The following LAMA1 variants were observed in gnomAD, a reference collection of about 807,000 sequenced individuals.
LAMA1 encodes the protein laminin subunit alpha 1, also known as laminin subunit alpha-1.
In LAMA1, 219 loss-of-function variants were observed where a neutral mutation model predicts 348.7. The ratio of observed to expected loss-of-function variants is 0.63; its 90% confidence interval spans 0.56 to 0.70. The LOEUF (loss-of-function observed/expected upper bound fraction) is 0.70, where lower values mean the gene tolerates loss of function less well. Among genes scored for constraint, LAMA1 ranks in the 30% least tolerant of loss-of-function variants. LAMA1 has a pLI of 0.00. For missense variants in LAMA1, 3,744 were observed against 3,888.0 expected (o/e 0.96, Z 0.99); for synonymous variants, 1,487 against 1,491.0 (o/e 1.00, Z 0.06).
rs149313689 is a variant in LAMA1 at position 7,026,086 on chromosome 18, G to A, written c.2295C>T (p.Thr765=). The part of the protein sequence containing the change: ...GVCIACAHNT[T]GVHCEQCLPG... ...GCAAGCACTGCTCACAGTGGACGCCGGTGGTGTTGTGCGCACACGCCTAGG... is the reference window on the plus strand; with the variant it reads ...GCAAGCACTGCTCACAGTGGACGCCAGTGGTGTTGTGCGCACACGCCTAGG... The change falls in exon 17 of 63, where the codon ACC becomes ACT. Residue 765 remains threonine (T), a synonymous_variant. Transcript: ENST00000389658. The A allele has an allele frequency of 3.4e-5, 54 of 1,611,014 alleles. No homozygotes were observed. In the South Asian group the frequency reaches 3.8e-4, roughly 11 times the overall value.
At chr18:7,082,343 T>C (rs920428729) in intron 1 of LAMA1, among the ~76,000 whole-genome samples, 1 of 152,152 alleles carries the variant, frequency 6.6e-6, no homozygotes, top group Non-Finnish European at 1.5e-5. Context: ...TTTTATCATA[T>C]CCCTGTAAAG....
intron 16 of LAMA1, among the ~76,000 whole-genome samples, chr18:7,029,933 A>T (rs1017085331): frequency 6.6e-6 from 1 of 152,186 alleles, no homozygotes; most frequent in South Asian, 2.1e-4. Flanking sequence ...GCTATGAACA[A>T]CTACACAAAA....
Position 6,976,041 on chromosome 18 carries a change from C to G in LAMA1, c.6385G>C (p.Ala2129Pro). The G allele has an allele frequency of 6.2e-7, 1 of 1,614,098 alleles. No individual in the cohort carries two copies. ...AVSADRDCIR[A>P]YQPQISSTNY... ...GTAGAGGAAATCTGAGGCTGGTAGG[C>G]CCGGATGCAATCTCTGTCTGCAGAC... Residue 2129 changes from alanine to proline, a missense_variant, in exon 45 of 63, where the codon GCC (alanine) becomes CCC (proline). Transcript: ENST00000389658.
intron 23 of LAMA1, 21 bp from the exon 24 acceptor site, chr18:7,012,159 G>C: frequency 6.2e-7 from 1 of 1,613,316 alleles, no homozygotes; most frequent in Non-Finnish European, 8.5e-7. Flanking sequence ...GCAAATAAAG[G>C]ACTCGTTTTT....
intron 56 of LAMA1, 141 bp downstream of exon 56, chr18:6,956,495 G>T: frequency 1.4e-6 from 2 of 1,416,634 alleles, no homozygotes; most frequent in Non-Finnish European, 2.0e-6. Context: ...TCCCCGCTCT[G>T]ATTTTTAGCA....
chr18:7,098,401 G>A lies in LAMA1; in HGVS notation c.62-17944C>T, dbSNP rs562261916. 3.8e-3 allele frequency among the ~76,000 whole-genome samples: 581 copies of A among 151,554 alleles called. 5 individuals carry two copies. The highest frequency in any genetic ancestry group is 0.019 in the South Asian group (89 of 4,746). On this transcript the variant is annotated intron_variant, in intron 1 of 62. Transcript: ENST00000389658. ...CCGGCCGCCATCCCACCTAGGAAGTGAGGAGCACCTCTTCCCGGCCGCCAT... is the reference window on the plus strand; with the variant it reads ...CCGGCCGCCATCCCACCTAGGAAGTAAGGAGCACCTCTTCCCGGCCGCCAT...
At chr18:7,013,668 A>T in intron 23 of LAMA1, 147 bp downstream of exon 23, 1 of 743,038 alleles carries the variant, frequency 1.3e-6, no homozygotes, top group East Asian at 2.7e-5. Context: ...AGAGGAGCAT[A>T]AGAGACTTTG....
rs1302423917 is a variant in LAMA1 at position 7,042,147 on chromosome 18, T to C, written c.1259A>G (p.Asn420Ser). 1 of 1,592,614 alleles carries C rather than the reference T, an allele frequency of 6.3e-7. No homozygotes were observed. Among genetic ancestry groups the C allele is most frequent in the African/African-American group, 1.3e-5 (1 of 74,458 alleles). The change falls in exon 9 of 63, where the codon AAT (asparagine) becomes AGT (serine). Residue 420 changes from asparagine (N) to serine (S), a missense_variant and splice_region_variant. Coordinates refer to ENST00000389658, the MANE Select transcript of LAMA1 (RefSeq NM_005559.4). ...IKDDLHSDLH[N>S]GKQPGQCPCK... ...ACAAAAGTGAATCAAGTACTTACCA[T>C]TGTGTAAGTCAGAATGGAGGTCATC...
Position 6,964,750 on chromosome 18 carries a change from C to T in LAMA1, c.7249G>A (p.Gly2417Ser). 1.2e-6 allele frequency: 2 copies of T among 1,614,056 alleles called. No homozygotes were observed. The highest frequency in any genetic ancestry group is 2.2e-5 in the South Asian group (2 of 91,078). ...YNTSNKETKQ[G>S]ETPGASSDLN... ...TCAGAAGATGCTCCCGGAGTCTCGC[C>T]CTGCTTGGTTTCTTTATTACTGGTG... The change falls in exon 51 of 63, where the codon GGC (glycine) becomes AGC (serine). Residue 2417 changes from glycine (G) to serine (S), a missense_variant. This residue lies in a region of LAMA1 where 1,983 missense variants were observed against 1,934.3 expected (regional missense o/e 1.03). Transcript: ENST00000389658.
At chr18:6,965,832 A>T in intron 49 of LAMA1, 1 of 415,510 alleles carries the variant, frequency 2.4e-6, no homozygotes, top group Non-Finnish European at 4.4e-6. Context: ...GGTCACAGTG[A>T]ACCCAGAACA....
At chr18:7,073,325 T>C (rs575730997) in intron 3 of LAMA1, among the ~76,000 whole-genome samples, 1 of 152,112 alleles carries the variant, frequency 6.6e-6, no homozygotes, top group African/African-American at 2.4e-5. Context: ...GCATTAAGTA[T>C]ATTCACACTG....
chr18:7,076,560 A>G (rs1215921732), intron 3 of LAMA1, among the ~76,000 whole-genome samples: 1 of 152,162 alleles, frequency 6.6e-6, no homozygotes, highest in African/African-American at 2.4e-5. Context: ...GTCTATTCAT[A>G]TATTCAATAG....
chr18:6,979,020 G>T (rs893197642), intron 42 of LAMA1, among the ~76,000 whole-genome samples: 1 of 152,158 alleles, frequency 6.6e-6, no homozygotes, highest in African/African-American at 2.4e-5. Context: ...CATTTTCGAA[G>T]CATTTAATCA....
At chr18:6,976,790 A>C (rs2057684662) in intron 44 of LAMA1, among the ~76,000 whole-genome samples, 1 of 151,760 alleles carries the variant, frequency 6.6e-6, no homozygotes, top group African/African-American at 2.4e-5. Flanking sequence ...TATTTTTTTT[A>C]GTAGAGACAG....
In LAMA1 at chr18:6,971,848, A is replaced by G. The variant is rs1348439663; in HGVS notation, c.6899+9T>C. On this transcript the variant is annotated intron_variant, in intron 48 of 62. Transcript: ENST00000389658. ...ACATACTATGTGCTAAACCGTGACG[A>G]CATCTTACCTTCCGAAGCACCCACG... 6.2e-7 allele frequency: 1 copy of G among 1,614,114 alleles called. No homozygotes were observed. Among genetic ancestry groups the G allele is most frequent in the African/African-American group, 1.3e-5 (1 of 75,042 alleles).
At chr18:6,973,322 C>T (rs751818517) in intron 46 of LAMA1, 115 bp from the exon 47 acceptor site, 22 of 884,378 alleles carry the variant, frequency 2.5e-5, no homozygotes, top group African/African-American at 1.6e-4. Context: ...TGCAACAGCA[C>T]CCCCCTGCTG....
At chr18:7,023,550 G>A (rs570823107) in intron 18 of LAMA1, among the ~76,000 whole-genome samples, 175 bp from the exon 19 acceptor site, 4 of 152,240 alleles carry the variant, frequency 2.6e-5, no homozygotes, top group Non-Finnish European at 4.4e-5. Context: ...CACCTGTCGC[G>A]GTGAAGGGGG....
Position 6,997,791 on chromosome 18 carries a change from A to G in LAMA1, c.4757T>C (p.Val1586Ala), listed in dbSNP as rs2144086251. The G allele has an allele frequency of 6.2e-7, 1 of 1,614,032 alleles. No homozygotes were observed. The highest frequency in any genetic ancestry group is 8.5e-7 in the Non-Finnish European group (1 of 1,179,880). Residue 1586 changes from valine (V) to alanine (A), a missense_variant, in exon 33 of 63, where the codon GTC becomes GCC. By Grantham distance (64) the Val-to-Ala change is moderately conservative. Transcript: ENST00000389658. ...CAGGTTTGACAAAATTCCATATGGGACAGGGATAATGCCAGTGAGGTTCAG... is the reference window on the plus strand; with the variant it reads ...CAGGTTTGACAAAATTCCATATGGGGCAGGGATAATGCCAGTGAGGTTCAG... ...LSLNLTGIIPVPYGILSNLEN... is the reference protein window; with the variant it reads ...LSLNLTGIIPAPYGILSNLEN...
intron 54 of LAMA1, 147 bp downstream of exon 54, chr18:6,959,194 G>GA: frequency 9.8e-7 from 1 of 1,016,140 alleles, no homozygotes; most frequent in Non-Finnish European, 1.5e-6. Context: ...TGGTTCCCAG[G>GA]AAAGAATCCT....
Sources: gnomAD v4.1 joint callset for allele counts (sites outside exome capture counted in the v4.1 genomes callset) on GRCh38, gnomAD v4.1.1 for gene constraint, gnomAD v4.1.1 regional missense constraint, MANE v1.5 for transcripts, NCBI Gene and HGNC (gene_info 2026-07-23, HGNC 2026-07-21) for gene names.